The following AHI1 variants were observed in gnomAD, a reference collection of about 807,000 sequenced individuals.
AHI1 encodes the protein jouberin.
AHI1 carries 123 observed loss-of-function variants against 149.3 expected under a neutral mutation model. The observed-to-expected ratio is 0.82, with a 90% confidence interval of 0.71 to 0.96. The LOEUF (loss-of-function observed/expected upper bound fraction) is 0.96. Among genes scored for constraint, AHI1 ranks in the 40% least tolerant of loss-of-function variants. AHI1 has a pLI of 0.00. For synonymous variants in AHI1, 475 were observed against 459.8 expected, an observed-to-expected ratio of 1.03 and a Z score of -0.42; for missense variants, 1,439 against 1,422.7, an observed-to-expected ratio of 1.01 and a Z score of -0.18.
intron 5 of AHI1, among the ~76,000 whole-genome samples, chr6:135,468,998 T>G (rs1791260912): frequency 6.6e-6 from 1 of 152,122 alleles, no homozygotes; most frequent in Admixed American, 6.5e-5. Context: ...ATTTCCTAAC[T>G]CATTTTATGA....
At chr6:135,328,143 T>C (rs1460554927) in intron 24 of AHI1, among the ~76,000 whole-genome samples, 1 of 152,176 alleles carries the variant, frequency 6.6e-6, no homozygotes, top group Non-Finnish European at 1.5e-5. Context: ...GATCCGACAC[T>C]GTCTTCAAGT....
chr6:135,368,947 A>G (rs1774614860), intron 23 of AHI1, among the ~76,000 whole-genome samples: 1 of 152,226 alleles, frequency 6.6e-6, no homozygotes, highest in African/African-American at 2.4e-5. Flanking sequence ...CTTTGCCTTC[A>G]GTTGAAATTG....
chr6:135,307,310 C>T (rs1449648708), intron 26 of AHI1, among the ~76,000 whole-genome samples: 2 of 152,166 alleles, frequency 1.3e-5, no homozygotes, highest in African/African-American at 4.8e-5. Flanking sequence ...ATTACTGTGA[C>T]TGCTAAGTAA....
chr6:135,434,626 A>G (rs1052462336), intron 15 of AHI1, among the ~76,000 whole-genome samples: 1 of 152,066 alleles, frequency 6.6e-6, no homozygotes, highest in African/African-American at 2.4e-5. Context: ...GTAAAAACTG[A>G]ACTGGAATCA....
intron 23 of AHI1, among the ~76,000 whole-genome samples, chr6:135,361,326 T>C (rs940265065): frequency 6.6e-6 from 1 of 152,178 alleles, no homozygotes; most frequent in African/African-American, 2.4e-5. Flanking sequence ...AACTGATATA[T>C]TTATCTTTAT....
intron 21 of AHI1, 50 bp from the exon 22 acceptor site, chr6:135,405,027 T>TC: frequency 6.7e-7 from 1 of 1,483,166 alleles, no homozygotes; most frequent in Non-Finnish European, 9.4e-7. Context: ...TCATTAAATA[T>TC]TGACTGTTTG....
chr6:135,356,357 G>C (rs1220553606), intron 24 of AHI1, among the ~76,000 whole-genome samples: 1 of 152,148 alleles, frequency 6.6e-6, no homozygotes. Context: ...TAGGTTCAAG[G>C]ATGGAAATTA....
At chr6:135,414,508 G>A (rs74366233) in intron 20 of AHI1, among the ~76,000 whole-genome samples, 3,697 of 152,174 alleles carry the variant, frequency 0.024, 62 homozygotes, top group East Asian at 0.054. Flanking sequence ...AAACCAGACT[G>A]GGGGGAAATA....
At chr6:135,436,163 A>C (rs768482446) in intron 15 of AHI1, among the ~76,000 whole-genome samples, 5 of 152,244 alleles carry the variant, frequency 3.3e-5, no homozygotes, top group Admixed American at 6.5e-5. Flanking sequence ...AAGAGAAACT[A>C]GGATAAGCAT....
intron 24 of AHI1, among the ~76,000 whole-genome samples, chr6:135,326,054 C>T (rs1361484463): frequency 1.3e-5 from 2 of 152,168 alleles, no homozygotes; most frequent in Admixed American, 6.5e-5. Flanking sequence ...ATTACAGTAC[C>T]TACTGATTAT....
intron 23 of AHI1, among the ~76,000 whole-genome samples, chr6:135,376,658 C>T (rs778872774): frequency 2.0e-5 from 3 of 151,754 alleles, no homozygotes; most frequent in Non-Finnish European, 4.4e-5. Context: ...CCAAGGTGGG[C>T]AGATCACGAG....
At chr6:135,448,954 T>C (rs1202600355) in intron 11 of AHI1, among the ~76,000 whole-genome samples, 26 of 152,256 alleles carry the variant, frequency 1.7e-4, no homozygotes, top group Admixed American at 1.7e-3. Flanking sequence ...AGCCATTCGT[T>C]ACATTTTTTT....
rs772785932 is a variant in AHI1 at position 135,331,691 on chromosome 6, A to T, written c.3166-8367T>A. On this transcript the variant is annotated intron_variant, in intron 24 of 28. Transcript: ENST00000265602. ...ATAATTGATGTTCGTAATACCTCCA[A>T]GTCATTCGACAAGCTAAGCACTGAA... Among the ~76,000 whole-genome samples, 239 of 152,300 alleles carry T rather than the reference A, an allele frequency of 1.6e-3. 1 individual carries two copies. The highest frequency in any genetic ancestry group is 2.9e-3 in the Admixed American group (45 of 15,298).
chr6:135,318,613 A>G lies in AHI1; in HGVS notation c.3332T>C (p.Leu1111Pro), dbSNP rs770197175. Residue 1111 changes from leucine (L) to proline (P), a missense_variant, in exon 26 of 29, where the codon CTG becomes CCG. By Grantham distance (98) the Leu-to-Pro change is moderately conservative. Coordinates refer to ENST00000265602, the MANE Select transcript of AHI1 (RefSeq NM_001134831.2). ...FPANHVASET[L>P]YQELPPEIKE... ...TATCTCAGGAGGCAGTTCTTGATAC[A>G]GTGCTGAAATTGGAAAAAGGAATTC... The G allele has an allele frequency of 6.3e-7, 1 of 1,595,126 alleles. No homozygotes were observed. The highest frequency in any genetic ancestry group is 1.3e-5 in the African/African-American group (1 of 74,478).
rs1427198848 is a variant in AHI1, at chr6:135,387,725, T to C, written c.3109+7051A>G. 5 of 1,066,510 alleles carry C rather than the reference T, an allele frequency of 4.7e-6. No individual in the cohort carries two copies. The East Asian group carries it at 1.2e-4, about 25-fold the overall frequency. The allele number at this position is 1,066,510 out of a possible 1,614,324, so 66.1% of individuals were successfully genotyped here. On this transcript the variant is annotated intron_variant, in intron 23 of 28. Transcript: ENST00000265602. ...TATCTTAAAATATCTTCCACTCTTT[T>C]GGCAATAAAACAAACTGTATAATTT...
chr6:135,295,905 T>G (rs1352179910), intron 27 of AHI1, among the ~76,000 whole-genome samples: 1 of 152,222 alleles, frequency 6.6e-6, no homozygotes, highest in African/African-American at 2.4e-5. Context: ...CGGGCTGGAG[T>G]GCAGTGGCAC....
intron 15 of AHI1, among the ~76,000 whole-genome samples, chr6:135,434,207 C>A (rs568290133): frequency 6.6e-6 from 1 of 150,942 alleles, no homozygotes; most frequent in South Asian, 2.1e-4. Flanking sequence ...GAAAAAAAAA[C>A]AGTTTCTATT....
chr6:135,465,388 G>C (rs1790579696), intron 7 of AHI1, among the ~76,000 whole-genome samples: 1 of 152,072 alleles, frequency 6.6e-6, no homozygotes, highest in African/African-American at 2.4e-5. Flanking sequence ...TCTACAATGA[G>C]CTAATGTTAT....
intron 5 of AHI1, among the ~76,000 whole-genome samples, chr6:135,478,344 G>A (rs1253390587): frequency 6.6e-6 from 1 of 152,148 alleles, no homozygotes; most frequent in East Asian, 1.9e-4. Context: ...CCAGGCTGAC[G>A]AGGTCTCAAA....
Sources: allele counts gnomAD v4.1 joint callset (sites outside exome capture counted in the v4.1 genomes callset), GRCh38; gene constraint gnomAD v4.1.1; transcripts MANE v1.5; gene names NCBI Gene and HGNC (gene_info 2026-07-23, HGNC 2026-07-21).